NPAS3: variants seen among roughly 807,000 people sequenced by gnomAD.
NPAS3 encodes the protein neuronal PAS domain-containing protein 3.
NPAS3 carries 14 observed loss-of-function variants against 73.1 expected under a neutral mutation model. That is an observed-to-expected ratio of 0.19 (90% CI 0.13 to 0.30). The LOEUF is 0.30. NPAS3 is among the 10% of genes least tolerant of loss of function. The pLI, the probability that NPAS3 is intolerant of heterozygous loss-of-function variation, is 1.00. For synonymous variants in NPAS3, 620 were observed against 541.5 expected (o/e 1.14, Z -2.01); for missense variants, 1,096 against 1,250.0 (o/e 0.88, Z 1.86).
At chr14:32,963,889 A>C (rs1054939696) in intron 1 of NPAS3, among the ~76,000 whole-genome samples, 3 of 152,084 alleles carry the variant, frequency 2.0e-5, no homozygotes, top group Admixed American at 2.0e-4. Context: ...TTACAGGATA[A>C]AGAAAAATAC....
At chr14:33,203,955 A>T (rs1191917405) in intron 2 of NPAS3, among the ~76,000 whole-genome samples, 4 of 152,086 alleles carry the variant, frequency 2.6e-5, no homozygotes, top group East Asian at 1.9e-4. Context: ...TAAGTGTTCC[A>T]ATTTCTCCAC....
chr14:33,702,904 G>A (rs944821771), intron 6 of NPAS3, among the ~76,000 whole-genome samples: 2 of 152,180 alleles, frequency 1.3e-5, no homozygotes, highest in Admixed American at 6.5e-5. Context: ...CATTCTGGGT[G>A]TGAAATATCC....
chr14:33,713,293 C>G (rs1013215416), intron 6 of NPAS3, among the ~76,000 whole-genome samples: 1 of 152,236 alleles, frequency 6.6e-6, no homozygotes, highest in Non-Finnish European at 1.5e-5. Context: ...CATCGTGCTA[C>G]TCTTGCCCCC....
intron 3 of NPAS3, among the ~76,000 whole-genome samples, chr14:33,321,392 G>A (rs888684247): frequency 6.6e-6 from 1 of 152,016 alleles, no homozygotes; most frequent in Non-Finnish European, 1.5e-5. Context: ...GGCTTTTTCA[G>A]TAACTCCTGA....
chr14:33,280,884 C>T (rs944223262), intron 3 of NPAS3, among the ~76,000 whole-genome samples: 5 of 152,060 alleles, frequency 3.3e-5, no homozygotes, highest in African/African-American at 7.2e-5. Flanking sequence ...TCATCATTAG[C>T]GTGTCATGCA....
At chr14:33,245,399 T>A (rs995943042) in intron 3 of NPAS3, among the ~76,000 whole-genome samples, 9 of 152,152 alleles carry the variant, frequency 5.9e-5, no homozygotes, top group Non-Finnish European at 8.8e-5. Context: ...ATAATCTATC[T>A]CCAGATCCAA....
chr14:33,470,688 G>A (rs2050741168), intron 4 of NPAS3, among the ~76,000 whole-genome samples: 1 of 152,094 alleles, frequency 6.6e-6, no homozygotes, highest in Admixed American at 6.5e-5. Flanking sequence ...TATACCAGAT[G>A]TTAACATTCT....
intron 2 of NPAS3, among the ~76,000 whole-genome samples, chr14:33,062,116 G>C (rs367705213): frequency 1.3e-5 from 2 of 152,104 alleles, no homozygotes; most frequent in African/African-American, 2.4e-5. Flanking sequence ...CCTGGCAGGA[G>C]TTTTCAGGAG....
At chr14:33,095,913 T>C (rs1276646629) in intron 2 of NPAS3, among the ~76,000 whole-genome samples, 1 of 151,528 alleles carries the variant, frequency 6.6e-6, no homozygotes, top group East Asian at 1.9e-4. Flanking sequence ...ACCTCGTGAT[T>C]CGCCCGATTC....
At chr14:33,702,133 T>A (rs2060540168) in intron 6 of NPAS3, among the ~76,000 whole-genome samples, 1 of 152,238 alleles carries the variant, frequency 6.6e-6, no homozygotes, top group Non-Finnish European at 1.5e-5. Flanking sequence ...GAGGCTGTCC[T>A]CTGTTCCATG....
At chr14:33,411,882 C>T (rs994392406) in intron 4 of NPAS3, among the ~76,000 whole-genome samples, 5 of 151,502 alleles carry the variant, frequency 3.3e-5, no homozygotes, top group Admixed American at 6.6e-5. Context: ...AGTGAATGCT[C>T]GCTCCTCTGA....
intron 4 of NPAS3, among the ~76,000 whole-genome samples, chr14:33,398,482 C>G (rs1209359140): frequency 6.6e-6 from 1 of 150,588 alleles, no homozygotes; most frequent in Non-Finnish European, 1.5e-5. Context: ...AATCTCATCA[C>G]TGTTTTAACT....
intron 5 of NPAS3, among the ~76,000 whole-genome samples, chr14:33,632,271 G>A (rs920073743): frequency 2.0e-5 from 3 of 152,056 alleles, no homozygotes; most frequent in Admixed American, 1.3e-4. Flanking sequence ...CTCGAAGCTC[G>A]GTATTCATAA....
chr14:33,787,960 AG>A (rs372138440), intron 9 of NPAS3, among the ~76,000 whole-genome samples: 6 of 152,130 alleles, frequency 3.9e-5, no homozygotes, highest in South Asian at 2.1e-4. Context: ...AAGAAAAAAA[AG>A]GAAAGAAAGA....
intron 4 of NPAS3, among the ~76,000 whole-genome samples, chr14:33,391,975 A>G (rs2047028777): frequency 6.6e-6 from 1 of 152,218 alleles, no homozygotes; most frequent in African/African-American, 2.4e-5. Context: ...ATATTTCCTA[A>G]TAAATCAGCA....
chr14:33,376,347 C>A (rs2140458610), intron 4 of NPAS3, among the ~76,000 whole-genome samples: 1 of 152,176 alleles, frequency 6.6e-6, no homozygotes, highest in East Asian at 1.9e-4. Context: ...AACTGATGGG[C>A]ACATTAGGGC....
chr14:33,345,871 T>C lies in NPAS3; in HGVS notation c.386-21315T>C, dbSNP rs534663221. ...TTTCATTTCATTCTTCACTAGCCAC[T>C]CTTAGTTGCCTGAAATTGATCATTA... On this transcript the variant is annotated intron_variant, in intron 3 of 11. Transcript: ENST00000356141. 6.6e-5 allele frequency among the ~76,000 whole-genome samples: 10 copies of C among 152,312 alleles called. No homozygotes were observed. The East Asian group carries it at 1.9e-3, about 29-fold the overall frequency.
At chr14:32,977,380 A>ACACACACC (rs1347224452) in intron 1 of NPAS3, among the ~76,000 whole-genome samples, 52 of 150,930 alleles carry the variant, frequency 3.4e-4, no homozygotes, top group African/African-American at 1.2e-3. Flanking sequence ...ACACACACAC[A>ACACACACC]CCCCTAATCT....
rs146263353 is a variant in NPAS3, at chr14:33,617,970, G to A, written c.558+57760G>A. On this transcript the variant is annotated intron_variant, in intron 5 of 11. Transcript: ENST00000356141. ...GTAACTGCGTAGGAACTCAGCAATA[G>A]CTTTTAGGCACAGTAACTCGGAAGT... Among the ~76,000 whole-genome samples, 282 of 152,322 alleles carry A rather than the reference G, an allele frequency of 1.9e-3. 2 individuals are homozygous for A. The highest frequency in any genetic ancestry group is 6.6e-3 in the African/African-American group (274 of 41,558).
Sources: gnomAD v4.1 joint callset for allele counts (sites outside exome capture counted in the v4.1 genomes callset) on GRCh38, gnomAD v4.1.1 for gene constraint, MANE v1.5 for transcripts, NCBI Gene and HGNC (gene_info 2026-07-23, HGNC 2026-07-21) for gene names.